The following PRKG1 variants were observed in gnomAD, a reference collection of about 807,000 sequenced individuals.
PRKG1 encodes the protein protein kinase cGMP-dependent 1, also known as cGMP-dependent protein kinase 1.
A neutral mutation model predicts 88.1 loss-of-function variants in PRKG1; 35 were observed. The observed-to-expected ratio is 0.40, with a 90% CI of 0.30 to 0.53. PRKG1 has a LOEUF of 0.53. Ranked by LOEUF, PRKG1 falls within the 20% of genes least tolerant of loss-of-function variation. The pLI is 0.59. For synonymous variants in PRKG1, 303 were observed against 292.5 expected (o/e 1.04, Z -0.37); for missense variants, 540 against 839.8 (o/e 0.64, Z 4.41).
chr10:52,066,047 G>T (rs750244597), intron 7 of PRKG1, among the ~76,000 whole-genome samples: 2 of 152,094 alleles, frequency 1.3e-5, no homozygotes, highest in African/African-American at 4.8e-5. Context: ...TTCTTATGCT[G>T]TTATTCTCAC....
chr10:51,958,030 T>A (rs80054115), intron 5 of PRKG1, among the ~76,000 whole-genome samples: 16,564 of 152,006 alleles, frequency 0.11, 999 homozygotes, highest in Admixed American at 0.13. Context: ...TACCTTAGAT[T>A]TTTTTTAATA....
chr10:51,250,494 A>G (rs1334780516), intron 2 of PRKG1, among the ~76,000 whole-genome samples: 1 of 151,782 alleles, frequency 6.6e-6, no homozygotes, highest in African/African-American at 2.4e-5. Flanking sequence ...TCAGACTTTG[A>G]TGGATGATTT....
At chr10:51,849,383 C>T (rs1840487921) in intron 4 of PRKG1, among the ~76,000 whole-genome samples, 1 of 152,146 alleles carries the variant, frequency 6.6e-6, no homozygotes, top group Admixed American at 6.5e-5. Flanking sequence ...TATCAAGGTA[C>T]TCAATGAATA....
chr10:51,970,872 T>C (rs1231210192), intron 5 of PRKG1, among the ~76,000 whole-genome samples: 3 of 149,266 alleles, frequency 2.0e-5, no homozygotes, highest in East Asian at 2.0e-4. Context: ...CAGAAGTACA[T>C]GTGTAAGTAC....
intron 3 of PRKG1, among the ~76,000 whole-genome samples, chr10:51,552,659 A>G (rs1232958923): frequency 6.6e-6 from 1 of 151,700 alleles, no homozygotes; most frequent in Non-Finnish European, 1.5e-5. Context: ...ACAAGAAACA[A>G]CATAAAATGA....
chr10:52,233,985 T>A (rs1840605806), intron 9 of PRKG1, among the ~76,000 whole-genome samples: 1 of 152,014 alleles, frequency 6.6e-6, no homozygotes, highest in South Asian at 2.1e-4. Context: ...GCAGACTGCC[T>A]CCTCAAGTGG....
chr10:51,483,382 G>A (rs180917126), intron 3 of PRKG1, among the ~76,000 whole-genome samples: 31 of 152,128 alleles, frequency 2.0e-4, no homozygotes, highest in East Asian at 1.7e-3. Flanking sequence ...AATGCCTTCC[G>A]TGTAAAATTT....
At chr10:51,297,966 G>A (rs1365524649) in intron 2 of PRKG1, among the ~76,000 whole-genome samples, 2 of 152,010 alleles carry the variant, frequency 1.3e-5, no homozygotes, top group African/African-American at 4.8e-5. Context: ...TACTATAAGT[G>A]ATATATTTAT....
chr10:51,610,687 G>A (rs4935272), intron 3 of PRKG1, among the ~76,000 whole-genome samples: 129,604 of 152,150 alleles, frequency 0.85, 56,103 homozygotes, highest in Middle Eastern at 0.95. Flanking sequence ...ACTGTGGAAC[G>A]CTATGCATAA....
In PRKG1 at chr10:51,283,078, C is replaced by A. The variant is rs185138096; in HGVS notation, c.478+129748C>A. 7.2e-5 allele frequency among the ~76,000 whole-genome samples: 11 copies of A among 152,266 alleles called. No individual in the cohort carries two copies. In the East Asian group the frequency reaches 1.2e-3, roughly 16 times the overall value. ...ACATGACCCATATTATAAACAGCTTCTCATGCCCTGTTCAACATTTCTATA... is the reference window on the plus strand; with the variant it reads ...ACATGACCCATATTATAAACAGCTTATCATGCCCTGTTCAACATTTCTATA... On this transcript the variant is annotated intron_variant, in intron 2 of 17. Transcript: ENST00000373980.
chr10:51,888,094 A>G (rs117555262), intron 4 of PRKG1, among the ~76,000 whole-genome samples: 11 of 152,330 alleles, frequency 7.2e-5, no homozygotes, highest in Non-Finnish European at 1.3e-4. Context: ...GGAGGTGACT[A>G]TATACTTAGT....
At chr10:52,293,054 T>A (rs1475723088) in intron 17 of PRKG1, among the ~76,000 whole-genome samples, 1 of 151,866 alleles carries the variant, frequency 6.6e-6, no homozygotes, top group Non-Finnish European at 1.5e-5. Context: ...ATAAGCAACT[T>A]CAGCAAAGTC....
At chr10:51,837,181 A>G (rs1322164157) in intron 4 of PRKG1, among the ~76,000 whole-genome samples, 1 of 152,152 alleles carries the variant, frequency 6.6e-6, no homozygotes, top group Non-Finnish European at 1.5e-5. Context: ...TCAAATATAG[A>G]GATTGTCAAA....
intron 3 of PRKG1, among the ~76,000 whole-genome samples, chr10:51,502,499 T>A (rs1289147049): frequency 6.6e-6 from 1 of 152,170 alleles, no homozygotes; most frequent in East Asian, 1.9e-4. Context: ...TTTCCCTACA[T>A]TCTTTTGTAC....
At chr10:51,923,453 T>G (rs1477765381) in intron 5 of PRKG1, among the ~76,000 whole-genome samples, 1 of 150,816 alleles carries the variant, frequency 6.6e-6, no homozygotes, top group East Asian at 1.9e-4. Context: ...TATGCTAATT[T>G]GTGATTATTT....
chr10:51,796,297 G>A (rs1038060745), intron 3 of PRKG1, among the ~76,000 whole-genome samples: 11 of 151,880 alleles, frequency 7.2e-5, no homozygotes, highest in East Asian at 3.9e-4. Flanking sequence ...ACATTAAAAC[G>A]TAAAGAGAAG....
intron 2 of PRKG1, among the ~76,000 whole-genome samples, chr10:51,161,675 A>G (rs763346262): frequency 1.3e-5 from 2 of 152,142 alleles, no homozygotes; most frequent in Non-Finnish European, 2.9e-5. Flanking sequence ...TTAAAAAGGT[A>G]CACATTTTTC....
chr10:52,186,047 C>T (rs11001098), intron 9 of PRKG1, among the ~76,000 whole-genome samples: 35,308 of 152,110 alleles, frequency 0.23, 6,178 homozygotes, highest in African/African-American at 0.49. Flanking sequence ...TATAGCAATG[C>T]CCCACTCCTC....
intron 2 of PRKG1, among the ~76,000 whole-genome samples, chr10:51,195,919 GGAT>G (rs1381981092): frequency 6.6e-6 from 1 of 152,150 alleles, no homozygotes; most frequent in Non-Finnish European, 1.5e-5. Context: ...CAGTGTTTGT[GGAT>G]GACTTTATGT....
Sources: allele counts gnomAD v4.1 joint callset (sites outside exome capture counted in the v4.1 genomes callset), GRCh38; gene constraint gnomAD v4.1.1; transcripts MANE v1.5; gene names NCBI Gene and HGNC (gene_info 2026-07-23, HGNC 2026-07-21).